The following FARS2 variants were observed in gnomAD, a reference collection of about 807,000 sequenced individuals.
FARS2 encodes phenylalanine--tRNA ligase, mitochondrial.
In FARS2, 40 loss-of-function variants were observed where a neutral mutation model predicts 46.4. That is an observed-to-expected ratio of 0.86 (90% CI 0.67 to 1.12). The LOEUF (loss-of-function observed/expected upper bound fraction) is 1.12, where lower values mean the gene tolerates loss of function less well. FARS2 is among the 50% of genes most tolerant of loss of function. The pLI is 0.00. For synonymous variants in FARS2, 234 were observed against 214.9 expected (o/e 1.09, Z -0.78); for missense variants, 513 against 567.9 (o/e 0.90, Z 0.98).
chr6:5,624,012 G>C (rs913403308), intron 6 of FARS2, among the ~76,000 whole-genome samples: 1 of 152,166 alleles, frequency 6.6e-6, no homozygotes, highest in African/African-American at 2.4e-5. Flanking sequence ...CCTTGAAATT[G>C]GCAGCATGCA....
rs368590775 is a variant in FARS2, at chr6:5,650,701, T to A, written c.1217+37381T>A. Among the ~76,000 whole-genome samples, 39 of 152,238 alleles carry A rather than the reference T, an allele frequency of 2.6e-4. No individual in the cohort carries two copies. The East Asian group carries it at 7.2e-3, about 28-fold the overall frequency. ...ACCGTGTTAGCCAGGATGGTCTCGA[T>A]CTCCTCACCTCATGATCCACCTGCC... On this transcript the variant is annotated intron_variant, in intron 6 of 6. Transcript: ENST00000274680.
chr6:5,650,259 CTTTTTTT>C (rs55926813), intron 6 of FARS2, among the ~76,000 whole-genome samples: 3 of 115,756 alleles, frequency 2.6e-5, no homozygotes, highest in East Asian at 2.5e-4. Flanking sequence ...GGCCACATTT[CTTTTTTT>C]TTTTTTTTTT....
intron 3 of FARS2, among the ~76,000 whole-genome samples, chr6:5,410,149 G>GTTT (rs1171325752): frequency 0.028 from 3,377 of 119,294 alleles, 90 homozygotes; most frequent in East Asian, 0.083. Flanking sequence ...TCGTTTTTGT[G>GTTT]TTTTTTTGTT....
At chr6:5,754,503 A>G (rs759446697) in intron 6 of FARS2, among the ~76,000 whole-genome samples, 120 of 152,338 alleles carry the variant, frequency 7.9e-4, no homozygotes, top group Admixed American at 1.4e-3. Context: ...ATAGGTTGTG[A>G]TCTGAACCAT....
intron 4 of FARS2, among the ~76,000 whole-genome samples, chr6:5,517,368 T>C (rs1368287378): frequency 6.6e-6 from 1 of 152,044 alleles, no homozygotes; most frequent in Non-Finnish European, 1.5e-5. Context: ...TTCCAGCACT[T>C]TGGGAGGCCG....
At chr6:5,602,358 G>A (rs1774570307) in intron 5 of FARS2, among the ~76,000 whole-genome samples, 2 of 152,088 alleles carry the variant, frequency 1.3e-5, no homozygotes, top group African/African-American at 4.8e-5. Context: ...AACGATAAAA[G>A]GAAACCTCCA....
chr6:5,753,201 T>A (rs768751714), intron 6 of FARS2, among the ~76,000 whole-genome samples: 2 of 152,118 alleles, frequency 1.3e-5, no homozygotes, highest in Non-Finnish European at 2.9e-5. Flanking sequence ...TGTGAAAACA[T>A]TATGAATCAA....
chr6:5,311,964 C>G lies in FARS2; in HGVS notation c.-22+50304C>G, dbSNP rs1005396416. Reference sequence around the variant, plus strand: ...AGTGTAAGTTAGTTTAAATAACTTTCCGTGCATCGTAGAATCTTCGGTGTG... The same window carrying G: ...AGTGTAAGTTAGTTTAAATAACTTTGCGTGCATCGTAGAATCTTCGGTGTG... On this transcript the variant is annotated intron_variant, in intron 1 of 6. Transcript: ENST00000274680. The surrounding 1 kb of genome is among the most constrained non-coding windows in gnomAD (Gnocchi z 4.1). 1.3e-5 allele frequency among the ~76,000 whole-genome samples: 2 copies of G among 152,084 alleles called. No individual in the cohort carries two copies. Among genetic ancestry groups the G allele is most frequent in the African/African-American group, 4.8e-5 (2 of 41,400 alleles).
chr6:5,253,329 A>T, the FARS2 span, among the ~76,000 whole-genome samples: 1 of 152,190 alleles, frequency 6.6e-6, no homozygotes, highest in Non-Finnish European at 1.5e-5. Context: ...TGCAAAAGGA[A>T]TGCAGTTTTT....
chr6:5,461,583 G>A lies in FARS2; in HGVS notation c.904+30411G>A, dbSNP rs139192128. ...TGTTCTACTTCCTTTTTTTGAGAGG[G>A]GGGTCTCACTGCTGTTGCCCAGACA... is the stretch of plus-strand genomic sequence containing the variant. On this transcript the variant is annotated intron_variant, in intron 4 of 6. Transcript: ENST00000274680. Among the ~76,000 whole-genome samples the A allele has an allele frequency of 6.5e-3, 984 of 152,012 alleles. 4 individuals carry two copies. The highest frequency in any genetic ancestry group is 0.012 in the Non-Finnish European group (790 of 67,964).
intron 1 of FARS2, among the ~76,000 whole-genome samples, chr6:5,307,603 A>G (rs1429126071): frequency 6.6e-6 from 1 of 152,236 alleles, no homozygotes; most frequent in Non-Finnish European, 1.5e-5. Context: ...TACACGTAAC[A>G]TTGGGTAGTA....
rs777070934 is a variant in FARS2 at position 5,478,310 on chromosome 6, TACAG to T, written c.904+47144_904+47147del. On this transcript the variant is annotated intron_variant, in intron 4 of 6. Coordinates refer to ENST00000274680, the MANE Select transcript of FARS2 (RefSeq NM_006567.5). The stretch of plus-strand genomic sequence containing the variant: ...AATTCTAGATAAAATCCTAGTATGG[TACAG>T]ACAGATAGGTGGTGATCATATATCT... Among the ~76,000 whole-genome samples the T allele has an allele frequency of 4.4e-4, 67 of 152,338 alleles. 1 individual carries two copies. The highest frequency in any genetic ancestry group is 7.1e-4 in the Non-Finnish European group (48 of 68,032).
At chr6:5,766,637 C>T (rs1460845885) in intron 6 of FARS2, among the ~76,000 whole-genome samples, 1 of 152,190 alleles carries the variant, frequency 6.6e-6, no homozygotes, top group Non-Finnish European at 1.5e-5. Flanking sequence ...GGCTCTGAAA[C>T]CAGATTTCCT....
intron 1 of FARS2, among the ~76,000 whole-genome samples, chr6:5,275,025 A>G (rs1022725496): frequency 5.3e-5 from 8 of 152,248 alleles, no homozygotes; most frequent in African/African-American, 1.7e-4. Flanking sequence ...ATTTCAATAT[A>G]GTGCCAAAAA....
intron 1 of FARS2, among the ~76,000 whole-genome samples, chr6:5,274,110 C>T (rs1270697140): frequency 4.6e-5 from 7 of 152,202 alleles, no homozygotes; most frequent in Admixed American, 6.5e-5. Flanking sequence ...TTTCAGGCAT[C>T]AACTGCAGGT....
At chr6:5,470,830 T>C (rs1296580070) in intron 4 of FARS2, among the ~76,000 whole-genome samples, 2 of 152,126 alleles carry the variant, frequency 1.3e-5, no homozygotes, top group Non-Finnish European at 2.9e-5. Flanking sequence ...AGAAGGTGAG[T>C]GGAAAGTAAA....
Position 5,311,917 on chromosome 6 carries a change from C to T in FARS2, c.-22+50257C>T, listed in dbSNP as rs1333029651. ...TAATTGTGGCCTCAAGTGAATTTGC[C>T]CATTGTAGGTTTGTCTGGGGGAGTG... On this transcript the variant is annotated intron_variant, in intron 1 of 6. Coordinates refer to ENST00000274680, the MANE Select transcript of FARS2 (RefSeq NM_006567.5). The surrounding 1 kb of genome is among the most constrained non-coding windows in gnomAD (Gnocchi z 4.1). 6.6e-6 allele frequency among the ~76,000 whole-genome samples: 1 copy of T among 152,094 alleles called. No homozygotes were observed. The highest frequency in any genetic ancestry group is 6.5e-5 in the Admixed American group (1 of 15,274).
At chr6:5,252,546 CCTCTGTGG>C in the FARS2 span, among the ~76,000 whole-genome samples, 1 of 152,224 alleles carries the variant, frequency 6.6e-6, no homozygotes, top group Non-Finnish European at 1.5e-5. Flanking sequence ...CGCATGTCCA[CCTCTGTGG>C]CTGACACAGA....
intron 3 of FARS2, among the ~76,000 whole-genome samples, chr6:5,412,559 T>TC (rs1363710569): frequency 2.0e-5 from 3 of 152,196 alleles, no homozygotes; most frequent in Non-Finnish European, 4.4e-5. Context: ...AGGAGTGAAA[T>TC]CACTTGATCA....
Sources: gnomAD v4.1 joint callset for allele counts (sites outside exome capture counted in the v4.1 genomes callset) on GRCh38, gnomAD v4.1.1 for gene constraint, Gnocchi (gnomAD v3.1) non-coding constraint, MANE v1.5 for transcripts, NCBI Gene and HGNC (gene_info 2026-07-23, HGNC 2026-07-21) for gene names.